Variants in KIRREL3 observed in about 807,000 individuals in gnomAD.
The protein encoded by KIRREL3 is kin of IRRE-like protein 3.
KIRREL3 carries 36 observed loss-of-function variants against 89.7 expected under a neutral mutation model. The observed-to-expected ratio is 0.40, with a 90% CI of 0.31 to 0.53. KIRREL3 has a LOEUF of 0.53. Among genes scored for constraint, KIRREL3 ranks in the 20% least tolerant of loss-of-function variants. The probability of loss-of-function intolerance (pLI) is 0.49; values close to 1 mark genes in which losing one functional copy is unlikely to be tolerated. For missense variants in KIRREL3, 864 were observed against 1,056.6 expected, an observed-to-expected ratio of 0.82 and a Z score of 2.53; for synonymous variants, 445 against 441.4, an observed-to-expected ratio of 1.01 and a Z score of -0.10.
chr11:126,525,703 C>A lies in KIRREL3; in HGVS notation c.283+835G>T, dbSNP rs747332405. Among the ~76,000 whole-genome samples, 2 of 152,154 alleles carry A rather than the reference C, an allele frequency of 1.3e-5. No homozygotes were observed. Among genetic ancestry groups the A allele is most frequent in the Non-Finnish European group, 2.9e-5 (2 of 68,024 alleles). ...CACAGGGGAATGACACCCAGAGGTCCCTGCTTGTGAATTTTACTGTGTACG... is the reference window on the plus strand; with the variant it reads ...CACAGGGGAATGACACCCAGAGGTCACTGCTTGTGAATTTTACTGTGTACG... On this transcript the variant is annotated intron_variant, in intron 3 of 16. Transcript: ENST00000525144. This position sits in a 1 kb window ranked among gnomAD's most constrained non-coding sequence, Gnocchi z 5.4.
At chr11:126,621,238 G>T (rs541521588) in intron 1 of KIRREL3, among the ~76,000 whole-genome samples, 5 of 152,290 alleles carry the variant, frequency 3.3e-5, no homozygotes, top group African/African-American at 1.2e-4. Context: ...GGGGGATGGG[G>T]AGAACCCCTT....
In KIRREL3 at chr11:126,999,585, G is replaced by A. The variant is rs1950265372; in HGVS notation, c.55+870C>T. On this transcript the variant is annotated intron_variant, in intron 1 of 16. Transcript: ENST00000525144. The surrounding 1 kb of genome is among the most constrained non-coding windows in gnomAD (Gnocchi z 5.7). ...TGGCATTCCAAAAGAGCGGGAAGGA[G>A]CCCATGTACTTGCCCCTCCAAACTC... is the stretch of plus-strand genomic sequence containing the variant. Among the ~76,000 whole-genome samples the A allele has an allele frequency of 6.6e-6, 1 of 152,234 alleles. No homozygotes were observed. Among genetic ancestry groups the A allele is most frequent in the Non-Finnish European group, 1.5e-5 (1 of 68,044 alleles).
intron 11 of KIRREL3, among the ~76,000 whole-genome samples, chr11:126,439,738 G>A (rs867137390): frequency 6.6e-6 from 1 of 151,444 alleles, no homozygotes; most frequent in Admixed American, 6.6e-5. Context: ...AGAATTGCTT[G>A]AACTGGGAGG....
At chr11:126,745,607 T>C (rs1478334016) in intron 1 of KIRREL3, among the ~76,000 whole-genome samples, 2 of 152,088 alleles carry the variant, frequency 1.3e-5, no homozygotes, top group Non-Finnish European at 2.9e-5. Context: ...AATTTGAAGA[T>C]ACTGGCATGA....
At chr11:126,581,550 G>A (rs1347954262) in intron 1 of KIRREL3, among the ~76,000 whole-genome samples, 1 of 152,146 alleles carries the variant, frequency 6.6e-6, no homozygotes, top group Non-Finnish European at 1.5e-5. Context: ...GAAACTAAAA[G>A]TTGTAGATCT....
intron 1 of KIRREL3, among the ~76,000 whole-genome samples, chr11:126,810,842 G>A (rs898751858): frequency 6.6e-6 from 1 of 152,184 alleles, no homozygotes; most frequent in Non-Finnish European, 1.5e-5. Context: ...TTCCAGCTGT[G>A]GTTGCAGTTC....
chr11:126,856,074 A>T (rs1944496680), intron 1 of KIRREL3, among the ~76,000 whole-genome samples: 1 of 152,212 alleles, frequency 6.6e-6, no homozygotes. Context: ...TGCACCTTTC[A>T]AAAAGGGTTC....
chr11:126,692,751 T>C (rs752526569), intron 1 of KIRREL3, among the ~76,000 whole-genome samples: 4 of 152,040 alleles, frequency 2.6e-5, no homozygotes, highest in Non-Finnish European at 5.9e-5. Context: ...AAAGGACAAA[T>C]ATTGTATGAC....
Position 126,612,695 on chromosome 11 carries a change from T to G in KIRREL3, c.56-49783A>C, listed in dbSNP as rs1190295870. 6.6e-6 allele frequency among the ~76,000 whole-genome samples: 1 copy of G among 152,218 alleles called. No individual in the cohort carries two copies. The highest frequency in any genetic ancestry group is 1.5e-5 in the Non-Finnish European group (1 of 68,032). On this transcript the variant is annotated intron_variant, in intron 1 of 16. Transcript: ENST00000525144. This position sits in a 1 kb window ranked among gnomAD's most constrained non-coding sequence, Gnocchi z 4.5. ...CCCGTCGGTAGCCATTAACCCACTT[T>G]CTGCCTCTGTGGATTTACCTATACT...
chr11:126,758,456 C>T lies in KIRREL3; in HGVS notation c.56-195544G>A, dbSNP rs537341794. Among the ~76,000 whole-genome samples, 4 of 152,352 alleles carry T rather than the reference C, an allele frequency of 2.6e-5. No individual in the cohort carries two copies. The South Asian group carries it at 8.3e-4, about 32-fold the overall frequency. ...AAAGGCAGCCCTCGTTAATTCCAAT[C>T]TGAGCATGGGACAGCCCAGGGTATG... On this transcript the variant is annotated intron_variant, in intron 1 of 16. Transcript: ENST00000525144.
At chr11:126,858,699 G>T (rs139355516) in intron 1 of KIRREL3, among the ~76,000 whole-genome samples, 167 of 152,310 alleles carry the variant, frequency 1.1e-3, no homozygotes, top group African/African-American at 3.9e-3. Flanking sequence ...AAGAGGGGCA[G>T]AAATGCTTGT....
rs559950443 is a variant in KIRREL3, at chr11:126,568,719, A to G, written c.56-5807T>C. Among the ~76,000 whole-genome samples, 62 of 152,322 alleles carry G rather than the reference A, an allele frequency of 4.1e-4. No homozygotes were observed. The highest frequency in any genetic ancestry group is 3.3e-3 in the South Asian group (16 of 4,824). Reference sequence around the variant, plus strand: ...ATTCTAACGGTAAGACCCTCCTCACATGATTCATATGAAAAGCAAATGAGC... The same window carrying G: ...ATTCTAACGGTAAGACCCTCCTCACGTGATTCATATGAAAAGCAAATGAGC... On this transcript the variant is annotated intron_variant, in intron 1 of 16. Transcript: ENST00000525144. The surrounding 1 kb of genome is among the most constrained non-coding windows in gnomAD (Gnocchi z 4.6).
chr11:126,885,605 C>A (rs1035463862), intron 1 of KIRREL3, among the ~76,000 whole-genome samples: 1 of 152,168 alleles, frequency 6.6e-6, no homozygotes, highest in Non-Finnish European at 1.5e-5. Context: ...TGAGAAATAA[C>A]TGAGAAAAAG....
chr11:126,701,399 G>T (rs894220201), intron 1 of KIRREL3, among the ~76,000 whole-genome samples: 1 of 152,032 alleles, frequency 6.6e-6, no homozygotes, highest in Non-Finnish European at 1.5e-5. Context: ...CTGTGTTCAC[G>T]CTGTTACAAA....
At chr11:126,631,450 A>T (rs1292474338) in intron 1 of KIRREL3, among the ~76,000 whole-genome samples, 1 of 152,202 alleles carries the variant, frequency 6.6e-6, no homozygotes, top group African/African-American at 2.4e-5. Context: ...GAATCGGAAG[A>T]TTCTGAGCAG....
At chr11:126,580,145 C>T (rs967879022) in intron 1 of KIRREL3, among the ~76,000 whole-genome samples, 1 of 152,106 alleles carries the variant, frequency 6.6e-6, no homozygotes, top group Non-Finnish European at 1.5e-5. Flanking sequence ...ACACCTGGCC[C>T]CCAGTCATCT....
At chr11:126,919,381 G>T (rs959679176) in intron 1 of KIRREL3, among the ~76,000 whole-genome samples, 3 of 152,198 alleles carry the variant, frequency 2.0e-5, no homozygotes, top group African/African-American at 7.2e-5. Context: ...TTCTGTTAAA[G>T]TAGCATGGTT....
chr11:126,716,451 AG>A (rs1252211236), intron 1 of KIRREL3, among the ~76,000 whole-genome samples: 1 of 152,094 alleles, frequency 6.6e-6, no homozygotes, highest in Non-Finnish European at 1.5e-5. Context: ...TTGAGGCTGT[AG>A]GGAGGTTAGG....
intron 4 of KIRREL3, among the ~76,000 whole-genome samples, chr11:126,478,826 G>A (rs565674745): frequency 5.9e-5 from 9 of 152,206 alleles, no homozygotes; most frequent in East Asian, 3.9e-4. Flanking sequence ...AGTTGGGAAC[G>A]GGCTGCGTGA....
Sources: gnomAD v4.1 joint callset for allele counts (sites outside exome capture counted in the v4.1 genomes callset) on GRCh38, gnomAD v4.1.1 for gene constraint, Gnocchi (gnomAD v3.1) non-coding constraint, MANE v1.5 for transcripts, NCBI Gene and HGNC (gene_info 2026-07-23, HGNC 2026-07-21) for gene names.